The following MCF2L2 variants were observed in gnomAD, a reference collection of about 807,000 sequenced individuals.
The protein encoded by MCF2L2 is MCF.2 cell line derived transforming sequence-like 2.
MCF2L2 carries 102 observed loss-of-function variants against 150.2 expected under a neutral mutation model. The ratio of observed to expected loss-of-function variants is 0.68; its 90% CI spans 0.58 to 0.80. MCF2L2 has a LOEUF of 0.80. MCF2L2 is among the 30% of genes least tolerant of loss of function. MCF2L2 has a pLI of 0.00. For missense variants in MCF2L2, 1,256 were observed against 1,372.8 expected (o/e 0.91, Z 1.34); for synonymous variants, 465 against 491.3 (o/e 0.95, Z 0.71).
At chr3:183,262,277 T>TA (rs1725679877) in intron 15 of MCF2L2, among the ~76,000 whole-genome samples, 1 of 151,762 alleles carries the variant, frequency 6.6e-6, no homozygotes, top group Non-Finnish European at 1.5e-5. Flanking sequence ...TATACATACA[T>TA]ATACTAAGAA....
In MCF2L2 at chr3:183,416,798, T is replaced by C. The variant is rs774752435; in HGVS notation, c.76+11104A>G. ...AACTATTTACACAGCATTTATATTG[T>C]ATTAGGTATTATAAGTAATTTAGAG... On this transcript the variant is annotated intron_variant, in intron 1 of 29. Coordinates refer to ENST00000328913, the MANE Select transcript of MCF2L2 (RefSeq NM_015078.4). 2.4e-4 allele frequency among the ~76,000 whole-genome samples: 36 copies of C among 152,050 alleles called. 2 individuals carry two copies. Among genetic ancestry groups the C allele is most frequent in the Non-Finnish European group, 4.9e-4 (33 of 68,010 alleles).
At chr3:183,315,586 T>C (rs1388011564) in intron 7 of MCF2L2, among the ~76,000 whole-genome samples, 1 of 152,248 alleles carries the variant, frequency 6.6e-6, no homozygotes, top group Non-Finnish European at 1.5e-5. Context: ...CTCCAACCCA[T>C]AACCTGAGAG....
rs555738489 is a variant in MCF2L2 at position 183,307,211 on chromosome 3, C to T, written c.1113+2505G>A. Among the ~76,000 whole-genome samples the T allele has an allele frequency of 4.7e-4, 71 of 152,224 alleles. 1 individual carries two copies. The highest frequency in any genetic ancestry group is 1.6e-3 in the African/African-American group (65 of 41,528). On this transcript the variant is annotated intron_variant, in intron 10 of 29. Coordinates refer to ENST00000328913, the MANE Select transcript of MCF2L2 (RefSeq NM_015078.4). The stretch of plus-strand genomic sequence containing the variant: ...TGGGAGGGAGCTGGCCCCTTAGTGC[C>T]GAGTAAAGGACAAACTCCAGGCAGA...
At chr3:183,312,250 T>C (rs919339070) in intron 7 of MCF2L2, among the ~76,000 whole-genome samples, 6 of 152,218 alleles carry the variant, frequency 3.9e-5, no homozygotes, top group African/African-American at 1.4e-4. Flanking sequence ...CAACCAACTA[T>C]GGCCTTGTTT....
chr3:183,329,740 A>G (rs1437242298), intron 5 of MCF2L2, among the ~76,000 whole-genome samples: 2 of 152,266 alleles, frequency 1.3e-5, no homozygotes, highest in African/African-American at 4.8e-5. Flanking sequence ...AATTCTGAGA[A>G]AATCGCCATT....
intron 3 of MCF2L2, among the ~76,000 whole-genome samples, chr3:183,362,382 C>T (rs914617974): frequency 5.9e-5 from 9 of 152,026 alleles, no homozygotes; most frequent in Admixed American, 1.3e-4. Context: ...AGATTACAGG[C>T]GTGAGCCACC....
At chr3:183,235,684 CAGA>C (rs1723792446) in intron 15 of MCF2L2, among the ~76,000 whole-genome samples, 1 of 109,492 alleles carries the variant, frequency 9.1e-6, no homozygotes, top group Admixed American at 8.6e-5. Context: ...TTCTGCTGTG[CAGA>C]AGCTCTTTAG....
chr3:183,232,724 G>A (rs1168221248), intron 15 of MCF2L2, among the ~76,000 whole-genome samples: 1 of 152,174 alleles, frequency 6.6e-6, no homozygotes, highest in Non-Finnish European at 1.5e-5. Flanking sequence ...AAATGGATAT[G>A]AGACTCGTGG....
intron 3 of MCF2L2, chr3:183,377,677 T>A (rs1483260803): frequency 6.6e-6 from 1 of 151,932 alleles, no homozygotes; most frequent in Non-Finnish European, 1.5e-5. Flanking sequence ...CTGTGGAAAT[T>A]TAAAAAAAGA....
intron 3 of MCF2L2, among the ~76,000 whole-genome samples, chr3:183,356,169 T>TAAAA (rs34297018): frequency 6.6e-4 from 88 of 132,792 alleles, no homozygotes; most frequent in African/African-American, 2.3e-3. Flanking sequence ...AAAATTGACT[T>TAAAA]AAAAAAAAAA....
intron 1 of MCF2L2, among the ~76,000 whole-genome samples, chr3:183,404,791 A>C (rs1714957184): frequency 6.6e-6 from 1 of 152,096 alleles, no homozygotes; most frequent in Non-Finnish European, 1.5e-5. Flanking sequence ...TGAACCTGGG[A>C]GGCGGAGGTT....
intron 15 of MCF2L2, chr3:183,253,515 C>T (rs1724705778): frequency 6.6e-6 from 1 of 152,330 alleles, no homozygotes; most frequent in African/African-American, 2.4e-5. Context: ...GTTTCCCCCT[C>T]TTCTCGTATT....
intron 11 of MCF2L2, chr3:183,298,195 T>C (rs1349126862): frequency 6.6e-6 from 1 of 152,196 alleles, no homozygotes; most frequent in African/African-American, 2.4e-5. Context: ...TAAAAAAGAC[T>C]CATTTTCTTT....
rs182431443 is a variant in MCF2L2, at chr3:183,345,664, G to T, written c.276-4034C>A. ...TGTGAAAAGATTAACAAAATAGATA[G>T]ATTGCTAGCCAGACTAATGAAGAAG... On this transcript the variant is annotated intron_variant, in intron 3 of 29. Coordinates refer to ENST00000328913, the MANE Select transcript of MCF2L2 (RefSeq NM_015078.4). Among the ~76,000 whole-genome samples, 99 of 152,196 alleles carry T rather than the reference G, an allele frequency of 6.5e-4. 1 individual carries two copies. Among genetic ancestry groups the T allele is most frequent in the African/African-American group, 2.0e-3 (84 of 41,542 alleles).
intron 2 of MCF2L2, 119 bp downstream of exon 2, chr3:183,389,577 G>C: frequency 1.2e-6 from 1 of 814,832 alleles, no homozygotes. Context: ...CTAGTCCCGG[G>C]TGAAGCCTAA....
chr3:183,367,174 C>G (rs1712585427), intron 3 of MCF2L2, among the ~76,000 whole-genome samples: 1 of 151,898 alleles, frequency 6.6e-6, no homozygotes, highest in Admixed American at 6.6e-5. Context: ...ACATAATGTA[C>G]ATCACAGAAT....
intron 6 of MCF2L2, among the ~76,000 whole-genome samples, chr3:183,322,046 T>TA (rs1391693445): frequency 6.6e-6 from 1 of 152,258 alleles, no homozygotes; most frequent in Non-Finnish European, 1.5e-5. Context: ...TAACTCCATT[T>TA]ATGATGCCAG....
At chr3:183,346,140 T>C (rs1229154596) in intron 3 of MCF2L2, among the ~76,000 whole-genome samples, 1 of 152,038 alleles carries the variant, frequency 6.6e-6, no homozygotes, top group Non-Finnish European at 1.5e-5. Context: ...CAGGCCAATA[T>C]CCCTAATGAA....
chr3:183,357,632 C>T (rs767683441), intron 3 of MCF2L2, among the ~76,000 whole-genome samples: 37 of 152,088 alleles, frequency 2.4e-4, no homozygotes, highest in Non-Finnish European at 4.3e-4. Context: ...AAAGACTGTC[C>T]GGCCCTGTTC....
Sources: allele counts gnomAD v4.1 joint callset (sites outside exome capture counted in the v4.1 genomes callset), GRCh38; gene constraint gnomAD v4.1.1; transcripts MANE v1.5; gene names NCBI Gene and HGNC (gene_info 2026-07-23, HGNC 2026-07-21).